SLC35F3: variants seen among roughly 807,000 people sequenced by gnomAD.
SLC35F3 encodes the protein solute carrier family 35 member F3, also known as putative thiamine transporter SLC35F3.
A neutral mutation model predicts 49.9 loss-of-function variants in SLC35F3; 25 were observed. The observed-to-expected ratio is 0.50, with a 90% CI of 0.37 to 0.70. The LOEUF (loss-of-function observed/expected upper bound fraction) is 0.70. SLC35F3 is among the 30% of genes least tolerant of loss of function. The pLI, the probability that SLC35F3 is intolerant of heterozygous loss-of-function variation, is 0.00. For missense variants in SLC35F3, 525 were observed against 639.8 expected (o/e 0.82, Z 1.94); for synonymous variants, 275 against 265.4 (o/e 1.04, Z -0.35).
At chr1:234,092,362 TC>T (rs1665056231) in intron 2 of SLC35F3, among the ~76,000 whole-genome samples, 1 of 152,206 alleles carries the variant, frequency 6.6e-6, no homozygotes, top group African/African-American at 2.4e-5. Context: ...TCAGGAGTTC[TC>T]TTAGACCAGG....
At chr1:234,137,893 C>A (rs1424550750) in intron 2 of SLC35F3, among the ~76,000 whole-genome samples, 1 of 152,004 alleles carries the variant, frequency 6.6e-6, no homozygotes, top group Non-Finnish European at 1.5e-5. Flanking sequence ...AAAAAGAAGG[C>A]TGGATGCGAG....
chr1:234,308,103 A>C (rs751966868), intron 3 of SLC35F3, among the ~76,000 whole-genome samples: 68 of 152,146 alleles, frequency 4.5e-4, no homozygotes, highest in Non-Finnish European at 8.5e-4. Flanking sequence ...TTAGACTCTG[A>C]ACTTTTGGAT....
At chr1:233,965,618 G>A (rs1662891304) in intron 2 of SLC35F3, among the ~76,000 whole-genome samples, 1 of 152,168 alleles carries the variant, frequency 6.6e-6, no homozygotes, top group Admixed American at 6.5e-5. Context: ...AAGAAGCCAA[G>A]GGCCTCATTC....
chr1:233,982,768 A>G (rs1439327589), intron 2 of SLC35F3, among the ~76,000 whole-genome samples: 1 of 152,222 alleles, frequency 6.6e-6, no homozygotes, highest in Non-Finnish European at 1.5e-5. Flanking sequence ...GCAATGAACA[A>G]ACATCATTGT....
chr1:234,007,111 A>G (rs943544298), intron 2 of SLC35F3, among the ~76,000 whole-genome samples: 2 of 152,094 alleles, frequency 1.3e-5, no homozygotes, highest in African/African-American at 4.8e-5. Context: ...TAAATAACAG[A>G]TGGTGGGCTG....
intron 3 of SLC35F3, among the ~76,000 whole-genome samples, chr1:234,273,694 A>G (rs892520777): frequency 1.3e-5 from 2 of 152,190 alleles, no homozygotes; most frequent in Admixed American, 1.3e-4. Context: ...CATCATGCAC[A>G]AGGTGTTGAG....
intron 2 of SLC35F3, among the ~76,000 whole-genome samples, chr1:233,939,159 T>G (rs995742901): frequency 2.6e-4 from 40 of 152,172 alleles, no homozygotes; most frequent in Non-Finnish European, 4.4e-5. Context: ...CTGGTATAGT[T>G]AAGTATTGTT....
intron 2 of SLC35F3, among the ~76,000 whole-genome samples, chr1:234,077,592 G>C (rs573289399): frequency 1.3e-5 from 2 of 152,286 alleles, no homozygotes; most frequent in South Asian, 4.1e-4. Flanking sequence ...GATAAGATTT[G>C]GGTGGGGACA....
chr1:233,926,667 T>C (rs1662165760), intron 2 of SLC35F3, among the ~76,000 whole-genome samples: 1 of 152,196 alleles, frequency 6.6e-6, no homozygotes, highest in South Asian at 2.1e-4. Flanking sequence ...TGTCCAGCTT[T>C]GTTCCGTTGC....
chr1:233,991,703 AG>A (rs1226998838), intron 2 of SLC35F3, among the ~76,000 whole-genome samples: 8 of 152,318 alleles, frequency 5.3e-5, no homozygotes, highest in African/African-American at 1.4e-4. Flanking sequence ...TCTGGCTACC[AG>A]GAAGCTCAAC....
At chr1:234,018,166 A>G (rs1663833660) in intron 2 of SLC35F3, among the ~76,000 whole-genome samples, 2 of 152,196 alleles carry the variant, frequency 1.3e-5, no homozygotes, top group African/African-American at 4.8e-5. Flanking sequence ...CGCCGTGAAT[A>G]TTGATCTGGG....
chr1:234,013,196 C>T (rs1230366374), intron 2 of SLC35F3, among the ~76,000 whole-genome samples: 1 of 151,992 alleles, frequency 6.6e-6, no homozygotes, highest in Admixed American at 6.6e-5. Flanking sequence ...GGAAAATTTA[C>T]AAAGGAGTAA....
At chr1:233,999,231 C>T (rs1445587182) in intron 2 of SLC35F3, among the ~76,000 whole-genome samples, 1 of 152,170 alleles carries the variant, frequency 6.6e-6, no homozygotes, top group Non-Finnish European at 1.5e-5. Flanking sequence ...CAATTACCCA[C>T]TGACTTAGAA....
intron 2 of SLC35F3, among the ~76,000 whole-genome samples, chr1:234,111,285 A>AT (rs1665402066): frequency 6.6e-6 from 1 of 151,750 alleles, no homozygotes; most frequent in African/African-American, 2.4e-5. Flanking sequence ...AGGCCCCTGT[A>AT]TTTTTTGTTT....
intron 3 of SLC35F3, among the ~76,000 whole-genome samples, chr1:234,241,636 G>A (rs954749607): frequency 2.6e-5 from 4 of 151,700 alleles, no homozygotes; most frequent in African/African-American, 9.7e-5. Context: ...TTGTGAGGCT[G>A]AGGCAGGAGA....
intron 2 of SLC35F3, among the ~76,000 whole-genome samples, chr1:234,074,689 G>C (rs1193227617): frequency 6.6e-6 from 1 of 152,230 alleles, no homozygotes; most frequent in Non-Finnish European, 1.5e-5. Context: ...GAGGCATAGA[G>C]AAGGTTCAGA....
intron 3 of SLC35F3, among the ~76,000 whole-genome samples, chr1:234,283,297 T>A (rs1668358925): frequency 6.6e-6 from 1 of 152,258 alleles, no homozygotes; most frequent in Non-Finnish European, 1.5e-5. Flanking sequence ...TAGGATTGAT[T>A]TTTTAACTAC....
chr1:234,248,163 G>T (rs113946951), intron 3 of SLC35F3, among the ~76,000 whole-genome samples: 4 of 152,174 alleles, frequency 2.6e-5, no homozygotes, highest in African/African-American at 9.6e-5. Context: ...GGGTTGGTTG[G>T]CTGGTCCATT....
At chr1:233,967,584 A>G (rs1253649035) in intron 2 of SLC35F3, among the ~76,000 whole-genome samples, 4 of 152,226 alleles carry the variant, frequency 2.6e-5, no homozygotes, top group South Asian at 2.1e-4. Context: ...TATGATAAAC[A>G]GTCCATTATC....
Sources: gnomAD v4.1 joint callset for allele counts (sites outside exome capture counted in the v4.1 genomes callset) on GRCh38, gnomAD v4.1.1 for gene constraint, MANE v1.5 for transcripts, NCBI Gene and HGNC (gene_info 2026-07-23, HGNC 2026-07-21) for gene names.